Variants in RNF6 observed in about 807,000 individuals in gnomAD.
RNF6 encodes E3 ubiquitin-protein ligase RNF6.
Under a neutral mutation model 50.1 loss-of-function variants are expected in RNF6, and 21 were observed. The observed-to-expected ratio is 0.42, with a 90% CI of 0.30 to 0.60. The LOEUF (loss-of-function observed/expected upper bound fraction) is 0.60, where lower values mean the gene tolerates loss of function less well. Ranked by LOEUF, RNF6 falls within the 20% of genes least tolerant of loss-of-function variation. RNF6 has a pLI of 0.20. For synonymous variants in RNF6, 255 were observed against 291.8 expected, an observed-to-expected ratio of 0.87 and a Z score of 1.29; for missense variants, 698 against 838.2, an observed-to-expected ratio of 0.83 and a Z score of 2.07.
intron 5 of RNF6, among the ~76,000 whole-genome samples, chr13:26,194,461 T>C (rs1331135366): frequency 6.6e-6 from 1 of 152,118 alleles, no homozygotes; most frequent in Admixed American, 6.5e-5. Context: ...AATAGGACAA[T>C]GTAATGCTTC....
At position 26,164,405 on chromosome 13, in the gene RNF6, T is replaced by G. The variant is rs565471396; in HGVS notation, n.769-31954A>C. Among the ~76,000 whole-genome samples the G allele has an allele frequency of 1.3e-3, 201 of 152,298 alleles. 2 individuals are homozygous for G. Among genetic ancestry groups the G allele is most frequent in the South Asian group, 7.0e-3 (34 of 4,824 alleles). On this transcript the variant is annotated intron_variant and non_coding_transcript_variant, in intron 5 of 5. Transcript: ENST00000468480. The stretch of plus-strand genomic sequence containing the variant: ...TCAGGAGTATTTTCTCATATCTACT[T>G]TATAGTATATTAAGTCTGCCTTTGA...
Position 26,149,401 on chromosome 13 carries a change from C to T in RNF6, n.769-16950G>A, listed in dbSNP as rs9581562. ...AGGAGATTGAGACCATCCTGGCTAACACAGTGAAACCCCATCTCTACTAAA... is the reference window on the plus strand; with the variant it reads ...AGGAGATTGAGACCATCCTGGCTAATACAGTGAAACCCCATCTCTACTAAA... On this transcript the variant is annotated intron_variant and non_coding_transcript_variant, in intron 5 of 5. Coordinates refer to the RNF6 transcript ENST00000468480. Among the ~76,000 whole-genome samples, 1,500 of 152,144 alleles carry T rather than the reference C, an allele frequency of 9.9e-3. 29 individuals carry two copies. Among genetic ancestry groups the T allele is most frequent in the African/African-American group, 0.034 (1,428 of 41,528 alleles).
intron 5 of RNF6, among the ~76,000 whole-genome samples, chr13:26,134,481 T>G (rs188738143): frequency 0.046 from 6,438 of 139,510 alleles, 235 homozygotes; most frequent in African/African-American, 0.1. Flanking sequence ...TTGTTTTTTG[T>G]TTTTTTTTGG....
At chr13:26,140,038 AACTG>A (rs1870855995) in intron 5 of RNF6, among the ~76,000 whole-genome samples, 1 of 152,184 alleles carries the variant, frequency 6.6e-6, no homozygotes, top group Admixed American at 6.5e-5. Context: ...TATAAAATGT[AACTG>A]ACTTTGCAAA....
At chr13:26,188,870 T>C (rs1873686045) in intron 5 of RNF6, among the ~76,000 whole-genome samples, 2 of 151,880 alleles carry the variant, frequency 1.3e-5, no homozygotes, top group African/African-American at 4.8e-5. Flanking sequence ...CCTCGTGATC[T>C]GCCCACCTTG....
chr13:26,196,114 A>C (rs997503266), intron 5 of RNF6, among the ~76,000 whole-genome samples: 2 of 152,210 alleles, frequency 1.3e-5, no homozygotes, highest in African/African-American at 4.8e-5. Flanking sequence ...CACAAACAAA[A>C]TACATTCAAA....
At chr13:26,150,005 ATATATAATGTG>A in intron 5 of RNF6, among the ~76,000 whole-genome samples, 1 of 116,236 alleles carries the variant, frequency 8.6e-6, no homozygotes, top group Non-Finnish European at 1.7e-5. Flanking sequence ...TACACAGTGT[ATATATAATGTG>A]TATATATATA....
chr13:26,148,631 T>TCTCTCTCTCTCTCTCTCTC (rs1566408223), intron 5 of RNF6, among the ~76,000 whole-genome samples: 1 of 77,816 alleles, frequency 1.3e-5, no homozygotes, highest in African/African-American at 4.9e-5. Context: ...TATAAATCTC[T>TCTCTCTCTCTCTCTCTCTC]TTATATATAT....
intron 5 of RNF6, chr13:26,149,327 C>T (rs988825208): frequency 6.6e-6 from 1 of 152,218 alleles, no homozygotes; most frequent in African/African-American, 2.4e-5. Context: ...GTGGCTCACG[C>T]CTGTAATCCC....
At chr13:26,136,526 T>C (rs897271570) in intron 5 of RNF6, among the ~76,000 whole-genome samples, 2 of 152,198 alleles carry the variant, frequency 1.3e-5, no homozygotes, top group Admixed American at 6.5e-5. Context: ...TTTTATTCCA[T>C]GTCAAATGAC....
At chr13:26,160,358 G>A (rs1400042440) in intron 5 of RNF6, among the ~76,000 whole-genome samples, 2 of 151,862 alleles carry the variant, frequency 1.3e-5, no homozygotes, top group Non-Finnish European at 2.9e-5. Flanking sequence ...AATTTTATAA[G>A]TTTATTAAAA....
intron 5 of RNF6, among the ~76,000 whole-genome samples, chr13:26,156,635 T>G (rs1217259057): frequency 6.6e-6 from 1 of 152,106 alleles, no homozygotes; most frequent in African/African-American, 2.4e-5. Flanking sequence ...AATTTTCAAA[T>G]AACAGAAATA....
chr13:26,144,136 C>T (rs977430592), intron 5 of RNF6, among the ~76,000 whole-genome samples: 4 of 149,722 alleles, frequency 2.7e-5, no homozygotes, highest in Non-Finnish European at 5.9e-5. Flanking sequence ...CACTCAGTGA[C>T]GGCCAATGTT....
chr13:26,148,706 A>G (rs1871398505), intron 5 of RNF6, among the ~76,000 whole-genome samples: 1 of 137,816 alleles, frequency 7.3e-6, no homozygotes, highest in Non-Finnish European at 1.5e-5. Flanking sequence ...TATAAAATAT[A>G]TATAATAAAT....
At chr13:26,210,733 C>T (rs1442794059), downstream of RNF6, among the ~76,000 whole-genome samples, 1 of 152,206 alleles carries the variant, frequency 6.6e-6, no homozygotes, top group Non-Finnish European at 1.5e-5. Context: ...TCCCTAAACT[C>T]TGCCAATTAC....
At chr13:26,162,722 TATGAG>T (rs1872270448) in intron 5 of RNF6, among the ~76,000 whole-genome samples, 1 of 152,226 alleles carries the variant, frequency 6.6e-6, no homozygotes, top group Non-Finnish European at 1.5e-5. Context: ...CAAACATTAG[TATGAG>T]ATATTAACAA....
At chr13:26,160,785 T>G (rs1872176993) in intron 5 of RNF6, among the ~76,000 whole-genome samples, 1 of 152,108 alleles carries the variant, frequency 6.6e-6, no homozygotes, top group Non-Finnish European at 1.5e-5. Flanking sequence ...GCAGAGCCGA[T>G]TCCTTCTGAA....
intron 5 of RNF6, among the ~76,000 whole-genome samples, chr13:26,203,128 T>A (rs1359018435): frequency 6.6e-6 from 1 of 152,194 alleles, no homozygotes; most frequent in African/African-American, 2.4e-5. Context: ...GTCACCAAAG[T>A]CTGTGTACCT....
At chr13:26,215,697 T>A (rs1016279379) in intron 4 of RNF6, 105 bp from the exon 5 acceptor site, 8 of 997,256 alleles carry the variant, frequency 8.0e-6, no homozygotes, top group Non-Finnish European at 1.1e-5. Context: ...TTAAAGAACA[T>A]CTGTGGATTT....
Sources: gnomAD v4.1 joint callset for allele counts (sites outside exome capture counted in the v4.1 genomes callset) on GRCh38, gnomAD v4.1.1 for gene constraint, MANE v1.5 for transcripts, NCBI Gene and HGNC (gene_info 2026-07-23, HGNC 2026-07-21) for gene names.